Variants in ETS2 observed in about 807,000 individuals in gnomAD.
ETS2 encodes ETS proto-oncogene 2, transcription factor, also known as protein C-ets-2.
In ETS2, 19 loss-of-function variants were observed where a neutral mutation model predicts 54.9. That is an observed-to-expected ratio of 0.35 (90% CI 0.24 to 0.51). The LOEUF (loss-of-function observed/expected upper bound fraction) is 0.51, where lower values mean the gene tolerates loss of function less well. Among genes scored for constraint, ETS2 ranks in the 20% least tolerant of loss-of-function variants. The pLI, the probability that ETS2 is intolerant of heterozygous loss-of-function variation, is 0.97. For missense variants in ETS2, 417 were observed against 593.0 expected (o/e 0.70, Z 3.08); for synonymous variants, 219 against 229.3 (o/e 0.95, Z 0.41).
chr21:38,808,072 C>T (rs1198803583), intron 1 of ETS2, among the ~76,000 whole-genome samples: 2 of 152,140 alleles, frequency 1.3e-5, no homozygotes, highest in Non-Finnish European at 2.9e-5. Context: ...CATTCATGTT[C>T]TCCCGGCACA....
upstream of ETS2, chr21:38,805,724 C>T (rs1277684305): frequency 7.7e-6 from 7 of 912,974 alleles, no homozygotes; most frequent in African/African-American, 1.8e-5. The surrounding 1 kb of genome is among the most constrained non-coding windows in gnomAD (Gnocchi z 5.2). Flanking sequence ...CCCCAACCCT[C>T]CTGCTGCCCC....
At chr21:38,818,211 G>C (rs1232920499) in intron 6 of ETS2, among the ~76,000 whole-genome samples, 1 of 152,200 alleles carries the variant, frequency 6.6e-6, no homozygotes, top group African/African-American at 2.4e-5. Flanking sequence ...TGCCTGCAGA[G>C]GCTGCAGTCA....
chr21:38,812,186 A>G (rs1036838349), intron 2 of ETS2, among the ~76,000 whole-genome samples: 17 of 152,076 alleles, frequency 1.1e-4, no homozygotes, highest in African/African-American at 3.4e-4. Context: ...AAATGCTTCC[A>G]AAGATAAAGT....
chr21:38,813,232 G>T, intron 3 of ETS2, 118 bp downstream of exon 3: 1 of 734,568 alleles, frequency 1.4e-6, no homozygotes, highest in Non-Finnish European at 2.4e-6. Flanking sequence ...GATATGAATA[G>T]CCAGAAGTTC....
In ETS2 at chr21:38,806,848, G is replaced by A. The variant is rs912100859; in HGVS notation, c.-1+728G>A. ...GCTTGTGTGTGTTTGGGTTGCGTGT[G>A]TGTTATCCTATTTTATTTTTTACGG... On this transcript the variant is annotated intron_variant, in intron 1 of 9. Coordinates refer to ENST00000360938, the MANE Select transcript of ETS2 (RefSeq NM_005239.6). This position sits in a 1 kb window ranked among gnomAD's most constrained non-coding sequence, Gnocchi z 4.3. The A allele has an allele frequency of 2.0e-6, 2 of 985,250 alleles. No homozygotes were observed. The highest frequency in any genetic ancestry group is 1.7e-5 in the African/African-American group (1 of 57,240). 61.0% of individuals were successfully genotyped at this position (985,250 alleles called of 1,614,324 possible).
At chr21:38,808,741 ATCCAGTAAGTTCT>A (rs2060903182) in intron 1 of ETS2, among the ~76,000 whole-genome samples, 1 of 152,212 alleles carries the variant, frequency 6.6e-6, no homozygotes, top group African/African-American at 2.4e-5. Flanking sequence ...ATTTCGCCAC[ATCCAGTAAGTTCT>A]ATCAGTTGAA....
rs2060963561 is a variant in ETS2 at position 38,822,826 on chromosome 21, G to A, written c.1347G>A (p.Leu449=). The A allele has an allele frequency of 6.2e-7, 1 of 1,612,772 alleles. No individual in the cohort carries two copies. The highest frequency in any genetic ancestry group is 1.3e-5 in the African/African-American group (1 of 75,036). The part of the protein sequence containing the change: ...VYRFVCDLQN[L]LGFTPEELHA... ...GCTTCGTGTGCGACCTCCAGAACTT[G>A]CTGGGGTTCACGCCCGAGGAACTGC... is the stretch of plus-strand genomic sequence containing the variant. Residue 449 remains leucine (L), a synonymous_variant, in exon 10 of 10, where the codon TTG becomes TTA. Transcript: ENST00000360938.
At position 38,818,598 on chromosome 21, in the gene ETS2, A is replaced by G; in HGVS notation, c.763A>G (p.Ser255Gly). 5 of 1,614,192 alleles carry G rather than the reference A, an allele frequency of 3.1e-6. No individual in the cohort carries two copies. In the South Asian group the frequency reaches 4.4e-5, roughly 14 times the overall value. ...CGTCAGCGTCACCTACTGCTCTGTC[A>G]GTCAGGACTTCCCAGGCAGCAACTT... ...SSVSVTYCSV[S>G]QDFPGSNLNL... Residue 255 changes from serine to glycine, a missense_variant, in exon 7 of 10, where the codon AGT becomes GGT. Ser to Gly is a moderately conservative substitution (Grantham distance 56). This residue lies in a region of ETS2 where 326 missense variants were observed against 426.1 expected (regional missense o/e 0.76). Transcript: ENST00000360938.
At chr21:38,807,385 C>A (rs547775187) in intron 1 of ETS2, among the ~76,000 whole-genome samples, 1 of 148,194 alleles carries the variant, frequency 6.7e-6, no homozygotes, top group Admixed American at 6.7e-5. Flanking sequence ...TAAATGTAAC[C>A]ATTCTCAGCT....
intron 6 of ETS2, 143 bp from the exon 7 acceptor site, chr21:38,818,282 A>C: frequency 9.6e-7 from 1 of 1,039,652 alleles, no homozygotes; most frequent in Non-Finnish European, 1.4e-6. Context: ...CTGGTGACAG[A>C]CCCCCACCAA....
rs751593150 is a variant in ETS2, at chr21:38,814,749, CAT to C, written c.305-31_305-30del. 12 of 1,594,636 alleles carry C rather than the reference CAT, an allele frequency of 7.5e-6. No homozygotes were observed. The highest frequency in any genetic ancestry group is 6.7e-5 in the East Asian group (3 of 44,694). ...CACTACCTTTCCACTGTTTTTACCT[CAT>C]GTGTTCCATTTTTTCTTCTCTCCTG... On this transcript the variant is annotated intron_variant, in intron 4 of 9. Transcript: ENST00000360938. The surrounding 1 kb of genome is among the most constrained non-coding windows in gnomAD (Gnocchi z 4.2).
rs2060909090 is a variant in ETS2 at position 38,810,254 on chromosome 21, G to A, written c.72+148G>A. 1.9e-5 allele frequency: 10 copies of A among 527,676 alleles called. No homozygotes were observed. In the East Asian group the frequency reaches 3.5e-4, roughly 19 times the overall value. 32.7% of individuals were successfully genotyped at this position (527,676 alleles called of 1,614,324 possible). On this transcript the variant is annotated intron_variant, in intron 2 of 9. Coordinates refer to ENST00000360938, the MANE Select transcript of ETS2 (RefSeq NM_005239.6). ...GTGACTATAGACTATTTGCTTACTT[G>A]CTCTGGTCCTCAGTTTTCTGGTCTG... is the stretch of plus-strand genomic sequence containing the variant.
chr21:38,815,986 GGAAGGAAGGAAGGAA>G, intron 5 of ETS2, among the ~76,000 whole-genome samples: 3 of 102 alleles, frequency 0.029, no homozygotes, highest in Non-Finnish European at 0.043. Flanking sequence ...AAGGAAGGAA[GGAAGGAAGGAAGGAA>G]GGAAGGAAGG....
At chr21:38,816,416 C>A (rs768516859) in intron 5 of ETS2, among the ~76,000 whole-genome samples, 1 of 152,088 alleles carries the variant, frequency 6.6e-6, no homozygotes, top group South Asian at 2.1e-4. Flanking sequence ...TACCATTCCT[C>A]GGGCCTGTGA....
In ETS2 at chr21:38,819,718, G is replaced by C. The variant is rs545879938; in HGVS notation, c.1027G>C (p.Glu343Gln). 2 of 1,613,936 alleles carry C rather than the reference G, an allele frequency of 1.2e-6. No individual in the cohort carries two copies. The highest frequency in any genetic ancestry group is 2.2e-5 in the East Asian group (1 of 44,876). The change falls in exon 8 of 10, where the codon GAG becomes CAG. Residue 343 changes from glutamate (E) to glutamine (Q), a missense_variant. Glu to Gln is a conservative substitution (Grantham distance 29). This residue lies in a region of ETS2 where 326 missense variants were observed against 426.1 expected (regional missense o/e 0.76). Transcript: ENST00000360938. ...DYIQERSDPV[E>Q]QGKPVIPAAV... ...CATCCAAGAGAGGAGTGACCCAGTG[G>C]AGCAAGGCAAACCAGTTATACCTGC...
upstream of ETS2, chr21:38,805,202 C>A (rs939507126): frequency 1.1e-5 from 7 of 614,698 alleles, no homozygotes; most frequent in South Asian, 2.1e-5. The surrounding 1 kb of genome is among the most constrained non-coding windows in gnomAD (Gnocchi z 5.2). Flanking sequence ...GCGGAGCCTG[C>A]GGGATCGGGG....
At chr21:38,818,342 C>T in intron 6 of ETS2, 83 bp from the exon 7 acceptor site, 4 of 1,594,168 alleles carry the variant, frequency 2.5e-6, no homozygotes, top group Non-Finnish European at 2.6e-6. Flanking sequence ...GTGCGGAGTG[C>T]TCACCTGTCA....
At position 38,821,488 on chromosome 21, in the gene ETS2, G is replaced by A; in HGVS notation, c.1076-98G>A. ...GAACCCCATTCAGAGAGTTGGGTCT[G>A]CATTCCTAAATCAGCATGTACAATT... On this transcript the variant is annotated intron_variant, in intron 8 of 9. Transcript: ENST00000360938. The surrounding 1 kb of genome is among the most constrained non-coding windows in gnomAD (Gnocchi z 4.2). 5 of 890,258 alleles carry A rather than the reference G, an allele frequency of 5.6e-6. No homozygotes were observed. Among genetic ancestry groups the A allele is most frequent in the South Asian group, 2.9e-5 (2 of 68,690 alleles). The allele number at this position is 890,258 out of a possible 1,614,324, so 55.1% of individuals were successfully genotyped here.
intron 3 of ETS2, among the ~76,000 whole-genome samples, chr21:38,813,349 C>T (rs1381368433): frequency 6.6e-6 from 1 of 152,188 alleles, no homozygotes. Flanking sequence ...TGTTAGGAAA[C>T]TGCAGGGGAA....
Sources: gnomAD v4.1 joint callset for allele counts (sites outside exome capture counted in the v4.1 genomes callset) on GRCh38, gnomAD v4.1.1 for gene constraint, gnomAD v4.1.1 regional missense constraint, Gnocchi (gnomAD v3.1) non-coding constraint, MANE v1.5 for transcripts, NCBI Gene and HGNC (gene_info 2026-07-23, HGNC 2026-07-21) for gene names.